The following RAD9B variants were observed in gnomAD, a reference collection of about 807,000 sequenced individuals.
RAD9B encodes cell cycle checkpoint control protein RAD9B.
In RAD9B, 41 loss-of-function variants were observed where a neutral mutation model predicts 48.3. The observed-to-expected ratio is 0.85, with a 90% CI of 0.66 to 1.10. The LOEUF is 1.10. RAD9B is among the 50% of genes least tolerant of loss of function. RAD9B has a pLI of 0.00. For missense variants in RAD9B, 444 were observed against 485.1 expected, an observed-to-expected ratio of 0.92 and a Z score of 0.80; for synonymous variants, 160 against 157.9, an observed-to-expected ratio of 1.01 and a Z score of -0.10.
chr12:110,530,401 A>G, intron 10 of RAD9B, 124 bp from the exon 11 acceptor site: 1 of 880,676 alleles, frequency 1.1e-6, no homozygotes, highest in Non-Finnish European at 1.8e-6. Context: ...TGTTCTGTGA[A>G]CCATCACCAG....
At chr12:110,529,169 T>C (rs967348640) in intron 10 of RAD9B, among the ~76,000 whole-genome samples, 2 of 151,742 alleles carry the variant, frequency 1.3e-5, no homozygotes, top group Non-Finnish European at 2.9e-5. Flanking sequence ...TGTTTAGAGA[T>C]GGAGTTTCGC....
In RAD9B at chr12:110,530,962, T is replaced by C; in HGVS notation, c.*309T>C. 9.4e-7 allele frequency: 1 copy of C among 1,059,484 alleles called. No individual in the cohort carries two copies. Among genetic ancestry groups the C allele is most frequent in the Admixed American group, 5.0e-5 (1 of 20,098 alleles). 65.6% of individuals were successfully genotyped at this position (1,059,484 alleles called of 1,614,324 possible). A position where few individuals can be genotyped will look rare whatever the true frequency, so the allele number is the denominator to read the frequency against. Reference sequence around the variant, plus strand: ...CTAGAGCTTTTAACATCTTTGCTAGTTTTATAAAGGTATTTAAACTTTATT... The same window carrying C: ...CTAGAGCTTTTAACATCTTTGCTAGCTTTATAAAGGTATTTAAACTTTATT... On this transcript the variant is annotated 3_prime_UTR_variant, in exon 11 of 11. Coordinates refer to ENST00000409300, the MANE Select transcript of RAD9B (RefSeq NM_001286535.2).
rs149769629 is a variant in RAD9B, at chr12:110,530,078, C to G, written c.1126-447C>G. On this transcript the variant is annotated intron_variant, in intron 10 of 10. Coordinates refer to ENST00000409300, the MANE Select transcript of RAD9B (RefSeq NM_001286535.2). ...TAATTTTTTGAGATGGAGTCTTGCT[C>G]TGTCCCCAGGCTGTAGTGCAGTGGC... 3.4e-3 allele frequency among the ~76,000 whole-genome samples: 523 copies of G among 152,242 alleles called. 6 individuals carry two copies. The highest frequency in any genetic ancestry group is 0.012 in the African/African-American group (511 of 41,530).
Position 110,522,198 on chromosome 12 carries a change from G to C in RAD9B, c.912G>C (p.Lys304Asn), listed in dbSNP as rs1366731011. The change falls in exon 10 of 11, where the codon AAG becomes AAC. Residue 304 changes from lysine to asparagine, a missense_variant. Coordinates refer to ENST00000409300, the MANE Select transcript of RAD9B (RefSeq NM_001286535.2). ...TCAGGTCAGATCTGATTGAAAAAAA[G>C]GCTGGCAAAAATGTAACTGGCCAGG... is the stretch of plus-strand genomic sequence containing the variant. Reference protein sequence around the residue: ...KRKRSDLIEKKAGKNVTGQAL... With the variant: ...KRKRSDLIEKNAGKNVTGQAL... 1 of 1,590,410 alleles carries C rather than the reference G, an allele frequency of 6.3e-7. No individual in the cohort carries two copies. Among genetic ancestry groups the C allele is most frequent in the African/African-American group, 1.3e-5 (1 of 74,444 alleles).
In RAD9B at chr12:110,532,531, T is replaced by A. The variant is rs1034109890; in HGVS notation, c.*1878T>A. On this transcript the variant is annotated 3_prime_UTR_variant, in exon 11 of 11. Coordinates refer to ENST00000409300, the MANE Select transcript of RAD9B (RefSeq NM_001286535.2). ...GACTAGCCTGGGCAACATGGTGAGATCCCATCTCTACAAAAATTAGCTGGG... is the reference window on the plus strand; with the variant it reads ...GACTAGCCTGGGCAACATGGTGAGAACCCATCTCTACAAAAATTAGCTGGG... 3.3e-5 allele frequency among the ~76,000 whole-genome samples: 5 copies of A among 152,254 alleles called. No individual in the cohort carries two copies. Among genetic ancestry groups the A allele is most frequent in the African/African-American group, 1.2e-4 (5 of 41,552 alleles).
In RAD9B at chr12:110,533,180, A is replaced by G. The variant is rs1051458249; in HGVS notation, c.*2527A>G. On this transcript the variant is annotated 3_prime_UTR_variant, in exon 11 of 11. Coordinates refer to ENST00000409300, the MANE Select transcript of RAD9B (RefSeq NM_001286535.2). ...GGAAATGAGGACCTGATAGTGACCA[A>G]CAAACTCAATGTCAAGGGCTGGTGT... 3 of 152,242 alleles carry G rather than the reference A, an allele frequency of 2.0e-5. No individual in the cohort carries two copies. Among genetic ancestry groups the G allele is most frequent in the Non-Finnish European group, 4.4e-5 (3 of 68,050 alleles). The allele number at this position is 152,242 out of a possible 1,614,324, so 9.4% of individuals were successfully genotyped here. A position where few individuals can be genotyped will look rare whatever the true frequency, so the allele number is the denominator to read the frequency against.
intron 4 of RAD9B, among the ~76,000 whole-genome samples, chr12:110,507,388 T>C (rs1015351968): frequency 1.4e-5 from 2 of 143,062 alleles, no homozygotes; most frequent in Admixed American, 7.3e-5. Context: ...ATGTATTATA[T>C]ATAATATATA....
chr12:110,522,559 A>G lies in RAD9B; in HGVS notation c.1125+148A>G, dbSNP rs868050270. 44 of 625,450 alleles carry G rather than the reference A, an allele frequency of 7.0e-5. No homozygotes were observed. In the Middle Eastern group the frequency reaches 1.0e-3, roughly 14 times the overall value. The allele number at this position is 625,450 out of a possible 1,614,324, so 38.7% of individuals were successfully genotyped here. A position where few individuals can be genotyped will look rare whatever the true frequency, so the allele number is the denominator to read the frequency against. ...GGGAAAAGTGAAGCTAGTCTGAATT[A>G]TAGAATGAAGAAAAGTCTGATAGAG... On this transcript the variant is annotated intron_variant, in intron 10 of 10. Coordinates refer to ENST00000409300, the MANE Select transcript of RAD9B (RefSeq NM_001286535.2).
intron 7 of RAD9B, 41 bp downstream of exon 7, chr12:110,518,823 C>T (rs2063687169): frequency 3.8e-6 from 6 of 1,572,504 alleles, no homozygotes; most frequent in Non-Finnish European, 5.2e-6. Context: ...CAAATTTTCA[C>T]TGTAAGTTTT....
intron 4 of RAD9B, among the ~76,000 whole-genome samples, chr12:110,508,794 C>CT (rs1203176723): frequency 3.3e-5 from 5 of 151,682 alleles, no homozygotes; most frequent in African/African-American, 1.2e-4. Flanking sequence ...CTTTTCTTTT[C>CT]TTTTTTTTGA....
rs1278561554 is a variant in RAD9B at position 110,533,370 on chromosome 12, A to G, written c.*2717A>G. ...GTAATTGCCTCTTGGGTAATAAGAC[A>G]AATAATGATAGTCTCAACAGAAAAA... On this transcript the variant is annotated 3_prime_UTR_variant, in exon 11 of 11. Coordinates refer to ENST00000409300, the MANE Select transcript of RAD9B (RefSeq NM_001286535.2). 6.6e-6 allele frequency: 1 copy of G among 152,234 alleles called. No homozygotes were observed. Among genetic ancestry groups the G allele is most frequent in the East Asian group, 1.9e-4 (1 of 5,208 alleles). The allele number at this position is 152,234 out of a possible 1,614,324, so 9.4% of individuals were successfully genotyped here.
intron 9 of RAD9B, among the ~76,000 whole-genome samples, chr12:110,520,628 C>CTTTTTTTTTTTTTTTTTTTTGTTTTTT (rs71083129): frequency 4.0e-5 from 4 of 99,964 alleles, no homozygotes; most frequent in African/African-American, 8.0e-5. Context: ...TTCTTGCTTT[C>CTTTTTTTTTTTTTTTTTTTTGTTTTTT]TTTTTTTTTT....
At chr12:110,511,560 C>T in intron 4 of RAD9B, 2 of 429,862 alleles carry the variant, frequency 4.7e-6, no homozygotes, top group South Asian at 1.7e-5. Flanking sequence ...ATGGTAGATA[C>T]CAGAGGCTGG....
At chr12:110,513,881 G>A (rs1386739988) in intron 5 of RAD9B, among the ~76,000 whole-genome samples, 1 of 151,728 alleles carries the variant, frequency 6.6e-6, no homozygotes, top group African/African-American at 2.4e-5. Flanking sequence ...AAGCCACCAT[G>A]CCTGGCTAAT....
intron 4 of RAD9B, chr12:110,508,255 G>C (rs982888378): frequency 1.2e-5 from 2 of 169,184 alleles, no homozygotes; most frequent in Admixed American, 1.3e-4. Context: ...CAAGTTACGG[G>C]GTGATTGTGA....
intron 10 of RAD9B, among the ~76,000 whole-genome samples, chr12:110,529,277 G>A (rs559820085): frequency 6.6e-6 from 1 of 151,984 alleles, no homozygotes; most frequent in Non-Finnish European, 1.5e-5. Flanking sequence ...CCTAGTAGCT[G>A]GGATTACAGG....
At chr12:110,503,935 A>G in intron 2 of RAD9B, 59 bp downstream of exon 2, 1 of 1,021,448 alleles carries the variant, frequency 9.8e-7, no homozygotes, top group Non-Finnish European at 1.4e-6. Context: ...TAAAGATCCC[A>G]GTCCAGATTG....
intron 4 of RAD9B, among the ~76,000 whole-genome samples, chr12:110,507,539 A>G (rs2063333672): frequency 9.4e-6 from 1 of 106,316 alleles, no homozygotes; most frequent in African/African-American, 4.8e-5. Flanking sequence ...TAAATATAAT[A>G]CATAATATAT....
intron 4 of RAD9B, among the ~76,000 whole-genome samples, chr12:110,511,870 C>G (rs572307400): frequency 4.0e-5 from 6 of 151,876 alleles, no homozygotes; most frequent in African/African-American, 1.2e-4. Flanking sequence ...TTTTTTGAGA[C>G]AGAGTCTCGC....
Sources: allele counts gnomAD v4.1 joint callset (sites outside exome capture counted in the v4.1 genomes callset), GRCh38; gene constraint gnomAD v4.1.1; transcripts MANE v1.5; gene names NCBI Gene and HGNC (gene_info 2026-07-23, HGNC 2026-07-21).